The following RNF168 variants were observed in gnomAD, a reference collection of about 807,000 sequenced individuals.
The protein encoded by RNF168 is ring finger protein 168, also known as E3 ubiquitin-protein ligase RNF168.
Under a neutral mutation model 34.9 loss-of-function variants are expected in RNF168, and 34 were observed. The ratio of observed to expected loss-of-function variants is 0.97; its 90% CI spans 0.74 to 1.30. RNF168 has a LOEUF of 1.30. RNF168 is among the 50% of genes most tolerant of loss of function. The pLI is 0.00. For missense variants in RNF168, 725 were observed against 682.5 expected, an observed-to-expected ratio of 1.06 and a Z score of -0.69; for synonymous variants, 264 against 254.7, an observed-to-expected ratio of 1.04 and a Z score of -0.35.
chr3:196,471,793 T>A lies in RNF168; in HGVS notation c.*26A>T, dbSNP rs201276057. On this transcript the variant is annotated 3_prime_UTR_variant, in exon 6 of 6. Transcript: ENST00000318037. ...AGCTTCACATTCCAGCTTTACTAGATCACAAAGCACTCCCTTTACCAGGCC... is the reference window on the plus strand; with the variant it reads ...AGCTTCACATTCCAGCTTTACTAGAACACAAAGCACTCCCTTTACCAGGCC... 2.8e-6 allele frequency: 4 copies of A among 1,435,684 alleles called. No individual in the cohort carries two copies. The highest frequency in any genetic ancestry group is 3.9e-6 in the Non-Finnish European group (4 of 1,017,720). The allele number at this position is 1,435,684 out of a possible 1,614,324, so 88.9% of individuals were successfully genotyped here. A position where few individuals can be genotyped will look rare whatever the true frequency, so the allele number is the denominator to read the frequency against.
chr3:196,472,796 A>G, intron 5 of RNF168, 24 bp from the exon 6 acceptor site: 3 of 1,426,876 alleles, frequency 2.1e-6, no homozygotes, highest in Non-Finnish European at 3.0e-6. Flanking sequence ...AAAAAGACTG[A>G]GTGAACCAGG....
intron 3 of RNF168, among the ~76,000 whole-genome samples, chr3:196,484,171 C>CTTTTTTTTTTT (rs71699491): frequency 4.2e-5 from 5 of 119,462 alleles, no homozygotes; most frequent in East Asian, 2.1e-4. Context: ...TCTTTCTTTC[C>CTTTTTTTTTTT]TTTTTTTTTT....
chr3:196,474,124 A>ATTTTTTTTT (rs758504791), intron 5 of RNF168, among the ~76,000 whole-genome samples: 2 of 124,316 alleles, frequency 1.6e-5, no homozygotes, highest in Non-Finnish European at 3.3e-5. Flanking sequence ...TCATCTTGCA[A>ATTTTTTTTT]TTTTTTTTTT....
At chr3:196,479,930 C>G (rs1020526218) in intron 4 of RNF168, among the ~76,000 whole-genome samples, 5 of 152,092 alleles carry the variant, frequency 3.3e-5, no homozygotes, top group Non-Finnish European at 5.9e-5. Flanking sequence ...AAGATCTTTC[C>G]AAGTCTGCCT....
At position 196,503,265 on chromosome 3, in the gene RNF168, T is replaced by C; in HGVS notation, c.-92A>G. ...ACCACAGAGAGAGCAAAAGCAGTTT[T>C]GTGTTTCAGTATTATGCCCAGAAGC... is the stretch of plus-strand genomic sequence containing the variant. On this transcript the variant is annotated 5_prime_UTR_variant, in exon 1 of 6. Transcript: ENST00000318037. The C allele has an allele frequency of 8.9e-7, 1 of 1,121,576 alleles. No homozygotes were observed. The highest frequency in any genetic ancestry group is 1.3e-6 in the Non-Finnish European group (1 of 748,798). 69.5% of individuals were successfully genotyped at this position (1,121,576 alleles called of 1,614,324 possible). A position where few individuals can be genotyped will look rare whatever the true frequency, so the allele number is the denominator to read the frequency against.
chr3:196,501,410 C>T (rs1732881372), intron 1 of RNF168, among the ~76,000 whole-genome samples: 1 of 152,180 alleles, frequency 6.6e-6, no homozygotes, highest in Admixed American at 6.5e-5. Flanking sequence ...AGTACTGATC[C>T]ATGCCACACT....
chr3:196,485,306 A>G (rs1195587906), intron 3 of RNF168, among the ~76,000 whole-genome samples: 2 of 152,148 alleles, frequency 1.3e-5, no homozygotes, highest in East Asian at 3.9e-4. Context: ...CCAGGAGTTC[A>G]AGACCAGCCT....
At chr3:196,474,324 A>C in intron 5 of RNF168, among the ~76,000 whole-genome samples, 1 of 143,812 alleles carries the variant, frequency 7.0e-6, no homozygotes, top group East Asian at 2.0e-4. Flanking sequence ...TTTAGTAGAG[A>C]TGGGGTTTCA....
intron 3 of RNF168, among the ~76,000 whole-genome samples, chr3:196,484,473 CTTTTTTTTTTTT>C (rs377178675): frequency 2.1e-5 from 2 of 97,432 alleles, no homozygotes; most frequent in Admixed American, 1.2e-4. Flanking sequence ...CGCGCCCGGC[CTTTTTTTTTTTT>C]TTTTTTTTTT....
intron 1 of RNF168, among the ~76,000 whole-genome samples, chr3:196,489,048 G>T (rs1732529268): frequency 6.6e-6 from 1 of 151,920 alleles, no homozygotes; most frequent in South Asian, 2.1e-4. Flanking sequence ...TAGAGTCAGG[G>T]TTTCACCACA....
intron 5 of RNF168, 195 bp downstream of exon 5, chr3:196,475,036 G>T: frequency 1.8e-6 from 1 of 559,576 alleles, no homozygotes; most frequent in Non-Finnish European, 3.2e-6. Flanking sequence ...TTTGCTTTTT[G>T]TAGTATGTTT....
In RNF168 at chr3:196,475,120, G is replaced by A. The variant is rs557338935; in HGVS notation, c.762+111C>T. 29 of 717,978 alleles carry A rather than the reference G, an allele frequency of 4.0e-5. No homozygotes were observed. In the East Asian group the frequency reaches 7.6e-4, roughly 19 times the overall value. 44.5% of individuals were successfully genotyped at this position (717,978 alleles called of 1,614,324 possible). On this transcript the variant is annotated intron_variant, in intron 5 of 5. Transcript: ENST00000318037. ...GTGAGCCTAAGAGGACTCAGACAGG[G>A]TGTTTGATTAACTATAGGGGCTTTT...
At chr3:196,479,456 C>T (rs571536444) in intron 4 of RNF168, among the ~76,000 whole-genome samples, 5 of 151,950 alleles carry the variant, frequency 3.3e-5, no homozygotes, top group South Asian at 4.2e-4. Context: ...AGGCACACCA[C>T]GCCCGGCTAA....
rs1161938407 is a variant in RNF168, at chr3:196,488,587, A to G, written c.378+20T>C. 1.4e-6 allele frequency: 2 copies of G among 1,480,306 alleles called. No individual in the cohort carries two copies. Among genetic ancestry groups the G allele is most frequent in the Non-Finnish European group, 1.9e-6 (2 of 1,061,996 alleles). The allele number at this position is 1,480,306 out of a possible 1,614,324, so 91.7% of individuals were successfully genotyped here. ...CACAGCAGAGAAATATTCCAAAAAA[A>G]AAAACTATTTAGCACCTACCTTGCT... is the stretch of plus-strand genomic sequence containing the variant. On this transcript the variant is annotated intron_variant, in intron 2 of 5. Transcript: ENST00000318037.
intron 1 of RNF168, among the ~76,000 whole-genome samples, chr3:196,502,054 GAAAAA>G (rs554041803): frequency 1.8e-3 from 92 of 50,048 alleles, no homozygotes; most frequent in African/African-American, 5.4e-3. Flanking sequence ...AAAAAAATTA[GAAAAA>G]AAAAAAAAAA....
chr3:196,502,534 G>A (rs1732924398), intron 1 of RNF168, among the ~76,000 whole-genome samples: 1 of 151,696 alleles, frequency 6.6e-6, no homozygotes, highest in Non-Finnish European at 1.5e-5. Flanking sequence ...GTTGCAGGGA[G>A]CCGAGATCGC....
rs1732938732 is a variant in RNF168, at chr3:196,502,982, G to C, written c.192C>G (p.Tyr64Ter). The C allele has an allele frequency of 6.2e-7, 1 of 1,613,878 alleles. No individual in the cohort carries two copies. The highest frequency in any genetic ancestry group is 1.3e-5 in the African/African-American group (1 of 74,860). Reference sequence around the variant, plus strand: ...TGACGAGAGAATTTCTTCGGGTATGGTACCGAGTCCACGACGATACCCGGC... The same window carrying C: ...TGACGAGAGAATTTCTTCGGGTATGCTACCGAGTCCACGACGATACCCGGC... ...CRRRVSSWTR[Y>*]HTRRNSLVNV... is the part of the protein sequence containing the mutation. Residue 64 changes from tyrosine to a stop codon, truncating the protein, a stop_gained, in exon 1 of 6, where the codon TAC (tyrosine) becomes TAG (stop). Coordinates refer to ENST00000318037, the MANE Select transcript of RNF168 (RefSeq NM_152617.4). LOFTEE classifies it high-confidence loss of function.
intron 1 of RNF168, among the ~76,000 whole-genome samples, chr3:196,490,535 G>A (rs1232869129): frequency 6.6e-6 from 1 of 151,756 alleles, no homozygotes; most frequent in Non-Finnish European, 1.5e-5. Context: ...AAAGAGCCCT[G>A]ACTTCGCCAC....
At chr3:196,480,014 G>A (rs1732248747) in intron 4 of RNF168, among the ~76,000 whole-genome samples, 1 of 152,148 alleles carries the variant, frequency 6.6e-6, no homozygotes, top group Non-Finnish European at 1.5e-5. Context: ...GTCACGGGGA[G>A]GGGGACACTG....
Sources: gnomAD v4.1 joint callset for allele counts (sites outside exome capture counted in the v4.1 genomes callset) on GRCh38, gnomAD v4.1.1 for gene constraint, MANE v1.5 for transcripts, NCBI Gene and HGNC (gene_info 2026-07-23, HGNC 2026-07-21) for gene names.